Variants in EPHA5 observed in about 807,000 individuals in gnomAD.
The protein encoded by EPHA5 is ephrin type-A receptor 5.
In EPHA5, 60 loss-of-function variants were observed where a neutral mutation model predicts 105.0. The observed-to-expected ratio is 0.57, with a 90% CI of 0.46 to 0.71. The LOEUF (loss-of-function observed/expected upper bound fraction) is 0.71. EPHA5 is among the 30% of genes least tolerant of loss of function. EPHA5 has a pLI of 0.00. For synonymous variants in EPHA5, 513 were observed against 449.1 expected (o/e 1.14, Z -1.80); for missense variants, 1,218 against 1,274.7 (o/e 0.96, Z 0.68).
At chr4:65,596,060 C>T (rs1184297686) in intron 3 of EPHA5, among the ~76,000 whole-genome samples, 2 of 152,132 alleles carry the variant, frequency 1.3e-5, no homozygotes, top group East Asian at 3.9e-4. Context: ...AGCGTATTTC[C>T]CACCATATTC....
intron 2 of EPHA5, among the ~76,000 whole-genome samples, chr4:65,634,244 A>G (rs1365979726): frequency 6.6e-6 from 1 of 152,128 alleles, no homozygotes; most frequent in Non-Finnish European, 1.5e-5. Context: ...ATTGGCATTA[A>G]TTTATATTGA....
intron 2 of EPHA5, among the ~76,000 whole-genome samples, chr4:65,622,097 G>A (rs1353513690): frequency 1.3e-5 from 2 of 152,042 alleles, no homozygotes; most frequent in Non-Finnish European, 2.9e-5. Context: ...AACTTGCTCT[G>A]GGAATACTTA....
At chr4:65,626,939 TA>T (rs1746211527) in intron 2 of EPHA5, among the ~76,000 whole-genome samples, 3 of 152,216 alleles carry the variant, frequency 2.0e-5, no homozygotes, top group African/African-American at 7.2e-5. Flanking sequence ...AAATCCTCTC[TA>T]GCCACAGCTT....
intron 16 of EPHA5, among the ~76,000 whole-genome samples, chr4:65,329,608 A>G (rs1196023212): frequency 6.6e-6 from 1 of 151,370 alleles, no homozygotes; most frequent in Non-Finnish European, 1.5e-5. Flanking sequence ...GTATTCTTCC[A>G]TTCTCAGCTT....
chr4:65,587,323 C>A (rs1311670269), intron 3 of EPHA5, among the ~76,000 whole-genome samples: 1 of 152,076 alleles, frequency 6.6e-6, no homozygotes, highest in Admixed American at 6.6e-5. Context: ...TGTTTTATTA[C>A]TTCCATACCA....
chr4:65,399,342 A>T (rs1296391194), intron 8 of EPHA5, among the ~76,000 whole-genome samples: 1 of 152,068 alleles, frequency 6.6e-6, no homozygotes, highest in Non-Finnish European at 1.5e-5. Context: ...TCACTCATGC[A>T]CCCCTCACTG....
rs142114843 is a variant in EPHA5 at position 65,438,998 on chromosome 4, C to T, written c.1403-18433G>A. ...TACACAATGACTTAACTAAAATATA[C>T]TAAACCCTTACATACACCAATTCAC... On this transcript the variant is annotated intron_variant, in intron 5 of 16. Transcript: ENST00000613740. Among the ~76,000 whole-genome samples the T allele has an allele frequency of 8.5e-5, 13 of 152,164 alleles. No individual in the cohort carries two copies. In the East Asian group the frequency reaches 2.1e-3, roughly 25 times the overall value.
intron 1 of EPHA5, among the ~76,000 whole-genome samples, chr4:65,661,141 A>G (rs1343873732): frequency 6.6e-6 from 1 of 152,224 alleles, no homozygotes; most frequent in African/African-American, 2.4e-5. Context: ...GAAGTTTAAA[A>G]TAAATATATA....
chr4:65,461,517 T>A (rs951558749), intron 5 of EPHA5, among the ~76,000 whole-genome samples: 1 of 152,070 alleles, frequency 6.6e-6, no homozygotes, highest in Admixed American at 6.6e-5. Flanking sequence ...CTCAGCATTA[T>A]CTTTTGCTAT....
chr4:65,491,437 A>T (rs575543319), intron 4 of EPHA5, among the ~76,000 whole-genome samples: 201 of 152,246 alleles, frequency 1.3e-3, no homozygotes, highest in Non-Finnish European at 2.4e-3. Context: ...CTACAATAGG[A>T]TGAATAAAAG....
intron 5 of EPHA5, among the ~76,000 whole-genome samples, chr4:65,473,550 T>A (rs1729496521): frequency 6.6e-6 from 1 of 152,112 alleles, no homozygotes; most frequent in African/African-American, 2.4e-5. Context: ...CAGGAAAAAC[T>A]GCCTGATAAA....
rs1747831220 is a variant in EPHA5, at chr4:65,643,352, A to AT, written c.246+10dup. 5.6e-6 allele frequency: 9 copies of AT among 1,609,128 alleles called. No homozygotes were observed. Among genetic ancestry groups the AT allele is most frequent in the Non-Finnish European group, 6.8e-6 (8 of 1,175,608 alleles). On this transcript the variant is annotated intron_variant, in intron 2 of 16. Transcript: ENST00000613740. ...TAGCTTAAGTTTTAGAAAAACTTTC[A>AT]TAAAACTTACCCCATTTTTTGGAAA...
At chr4:65,664,411 T>C (rs1007545859) in intron 1 of EPHA5, among the ~76,000 whole-genome samples, 1 of 151,952 alleles carries the variant, frequency 6.6e-6, no homozygotes, top group African/African-American at 2.4e-5. Flanking sequence ...TAGGTACTAA[T>C]AATTTTTTCT....
At chr4:65,338,788 T>C (rs1345683079) in intron 14 of EPHA5, among the ~76,000 whole-genome samples, 1 of 152,154 alleles carries the variant, frequency 6.6e-6, no homozygotes, top group African/African-American at 2.4e-5. Flanking sequence ...TTCTTTATAA[T>C]AGTTTTGGGG....
intron 2 of EPHA5, among the ~76,000 whole-genome samples, chr4:65,607,127 A>T (rs12505063): frequency 0.87 from 132,282 of 152,094 alleles, 57,878 homozygotes; most frequent in Non-Finnish European, 0.91. Flanking sequence ...TCACACACTA[A>T]GTTTTGCTAA....
chr4:65,322,927 C>A lies in EPHA5; in HGVS notation c.*1187G>T, dbSNP rs10155327. On this transcript the variant is annotated 3_prime_UTR_variant, in exon 17 of 17. Transcript: ENST00000613740. ...TGAGTCAAAATGGGAATGGTTACAA[C>A]GGATTAACACTTAAGGGTGATGCTT... 1,937 of 228,770 alleles carry A rather than the reference C, an allele frequency of 8.5e-3. 44 individuals carry two copies. Among genetic ancestry groups the A allele is most frequent in the African/African-American group, 0.04 (1,819 of 45,082 alleles). The allele number at this position is 228,770 out of a possible 1,614,324, so 14.2% of individuals were successfully genotyped here. A position where few individuals can be genotyped will look rare whatever the true frequency, so the allele number is the denominator to read the frequency against.
chr4:65,488,731 A>G (rs960885014), intron 5 of EPHA5, among the ~76,000 whole-genome samples: 1 of 152,246 alleles, frequency 6.6e-6, no homozygotes, highest in African/African-American at 2.4e-5. Flanking sequence ...AAAAAATGCC[A>G]TAGACAAATA....
chr4:65,515,300 A>T (rs915322012), intron 3 of EPHA5, among the ~76,000 whole-genome samples: 4 of 152,164 alleles, frequency 2.6e-5, no homozygotes, highest in Non-Finnish European at 4.4e-5. Flanking sequence ...TTTTAAAAAA[A>T]ACAACAACAT....
intron 3 of EPHA5, among the ~76,000 whole-genome samples, chr4:65,517,115 T>C (rs914853789): frequency 1.3e-5 from 2 of 152,084 alleles, no homozygotes; most frequent in African/African-American, 4.8e-5. Context: ...ATTAATTCTG[T>C]CACATTTTAC....
Sources: allele counts gnomAD v4.1 joint callset (sites outside exome capture counted in the v4.1 genomes callset), GRCh38; gene constraint gnomAD v4.1.1; transcripts MANE v1.5; gene names NCBI Gene and HGNC (gene_info 2026-07-23, HGNC 2026-07-21).